CYRIA: variants seen among roughly 807,000 people sequenced by gnomAD.
CYRIA encodes the protein CYFIP-related Rac1 interactor A.
CYRIA carries 15 observed loss-of-function variants against 43.9 expected under a neutral mutation model. That is an observed-to-expected ratio of 0.34 (90% CI 0.23 to 0.53). CYRIA has a LOEUF of 0.53. Among genes scored for constraint, CYRIA ranks in the 20% least tolerant of loss-of-function variants. The probability of loss-of-function intolerance (pLI) is 0.94; values close to 1 mark genes in which losing one functional copy is unlikely to be tolerated. For missense variants in CYRIA, 236 were observed against 394.2 expected, an observed-to-expected ratio of 0.60 and a Z score of 3.40; for synonymous variants, 117 against 136.0, an observed-to-expected ratio of 0.86 and a Z score of 0.97.
chr2:16,589,402 T>G (rs1158699988), intron 2 of CYRIA, among the ~76,000 whole-genome samples: 1 of 152,082 alleles, frequency 6.6e-6, no homozygotes, highest in Non-Finnish European at 1.5e-5. Context: ...TCCATAATCC[T>G]CCGCTGGGAA....
intron 2 of CYRIA, among the ~76,000 whole-genome samples, chr2:16,612,527 T>C (rs964865256): frequency 3.3e-5 from 5 of 152,160 alleles, no homozygotes; most frequent in South Asian, 2.1e-4. Flanking sequence ...AAGTGAAATA[T>C]GTCCTCAATG....
At chr2:16,581,062 T>C (rs1667533215) in intron 3 of CYRIA, among the ~76,000 whole-genome samples, 1 of 152,178 alleles carries the variant, frequency 6.6e-6, no homozygotes, top group South Asian at 2.1e-4. Context: ...TTTCTTAGAA[T>C]ACAGAAAGTG....
chr2:16,644,776 G>C lies in CYRIA; in HGVS notation c.-166-20757C>G, dbSNP rs544327430. On this transcript the variant is annotated intron_variant, in intron 1 of 11. Coordinates refer to ENST00000381323, the MANE Select transcript of CYRIA (RefSeq NM_030797.4). Reference sequence around the variant, plus strand: ...CCTTCCTTCTTCTACCTTTGCGGGAGTCTTTAACATGCAAGGGGGTCAATT... The same window carrying C: ...CCTTCCTTCTTCTACCTTTGCGGGACTCTTTAACATGCAAGGGGGTCAATT... 1.2e-4 allele frequency among the ~76,000 whole-genome samples: 19 copies of C among 152,276 alleles called. No homozygotes were observed. The South Asian group carries it at 3.3e-3, about 27-fold the overall frequency.
At chr2:16,579,478 C>T (rs565365959) in intron 3 of CYRIA, among the ~76,000 whole-genome samples, 1 of 151,278 alleles carries the variant, frequency 6.6e-6, no homozygotes, top group South Asian at 2.1e-4. Context: ...TGATAATTGA[C>T]AATTTAAAAT....
rs187207368 is a variant in CYRIA at position 16,603,544 on chromosome 2, C to A, written c.-10-15415G>T. 4.7e-3 allele frequency among the ~76,000 whole-genome samples: 717 copies of A among 152,212 alleles called. 7 individuals carry two copies. Among genetic ancestry groups the A allele is most frequent in the African/African-American group, 0.016 (675 of 41,532 alleles). On this transcript the variant is annotated intron_variant, in intron 2 of 11. Coordinates refer to ENST00000381323, the MANE Select transcript of CYRIA (RefSeq NM_030797.4). ...AGATCAGGACCCTTGGAAGGACCCC[C>A]TGAGCCCTCCCTCCCCCTCTATTCT...
At chr2:16,624,480 T>C (rs1251943644) in intron 1 of CYRIA, among the ~76,000 whole-genome samples, 1 of 152,210 alleles carries the variant, frequency 6.6e-6, no homozygotes, top group Non-Finnish European at 1.5e-5. Flanking sequence ...CTCAGGCATG[T>C]GGTTGGGATG....
chr2:16,553,095 C>T (rs1392754839), intron 11 of CYRIA, 96 bp from the exon 12 acceptor site: 5 of 802,702 alleles, frequency 6.2e-6, no homozygotes, highest in Non-Finnish European at 1.1e-5. Context: ...GATATTTGGG[C>T]TTATTTCTTT....
At chr2:16,638,312 C>T (rs1669563270) in intron 1 of CYRIA, among the ~76,000 whole-genome samples, 1 of 152,164 alleles carries the variant, frequency 6.6e-6, no homozygotes, top group African/African-American at 2.4e-5. Flanking sequence ...AATATAAACA[C>T]AGGAAATGAC....
intron 10 of CYRIA, among the ~76,000 whole-genome samples, chr2:16,558,277 C>T (rs755595274): frequency 4.6e-5 from 7 of 152,102 alleles, no homozygotes; most frequent in South Asian, 4.1e-4. Flanking sequence ...AATAAAGAGT[C>T]TATGAAGAAA....
At chr2:16,660,989 C>T (rs1406518828) in intron 1 of CYRIA, among the ~76,000 whole-genome samples, 1 of 152,202 alleles carries the variant, frequency 6.6e-6, no homozygotes, top group Non-Finnish European at 1.5e-5. Context: ...CTTTTCAATA[C>T]CTCCAGCTTC....
At chr2:16,633,741 G>C (rs974592) in intron 1 of CYRIA, among the ~76,000 whole-genome samples, 27,915 of 151,558 alleles carry the variant, frequency 0.18, 4,211 homozygotes, top group East Asian at 0.61. Flanking sequence ...ATCCTGCTTG[G>C]GCTGTGGCCC....
At chr2:16,591,259 T>A (rs1667920362) in intron 2 of CYRIA, among the ~76,000 whole-genome samples, 1 of 152,068 alleles carries the variant, frequency 6.6e-6, no homozygotes, top group Non-Finnish European at 1.5e-5. Context: ...AGTGAAGTAG[T>A]AAGATAAAGC....
chr2:16,614,659 A>C (rs1394403659), intron 2 of CYRIA, among the ~76,000 whole-genome samples: 2 of 152,196 alleles, frequency 1.3e-5, no homozygotes, highest in African/African-American at 4.8e-5. Context: ...CCCAGCTCAT[A>C]TCATCTGACA....
chr2:16,588,891 A>C (rs552514141), intron 2 of CYRIA, among the ~76,000 whole-genome samples: 4 of 152,260 alleles, frequency 2.6e-5, no homozygotes, highest in African/African-American at 9.6e-5. Context: ...ACTGCAGCCT[A>C]AGACATCTGC....
chr2:16,592,798 C>CA (rs200077296), intron 2 of CYRIA, among the ~76,000 whole-genome samples: 129 of 149,242 alleles, frequency 8.6e-4, no homozygotes, highest in South Asian at 3.2e-3. Flanking sequence ...GTTTTTCAAT[C>CA]AAAAAAAAAG....
At chr2:16,575,672 G>A (rs990327607) in intron 3 of CYRIA, among the ~76,000 whole-genome samples, 1 of 151,840 alleles carries the variant, frequency 6.6e-6, no homozygotes, top group Non-Finnish European at 1.5e-5. Flanking sequence ...TGGCTAACAC[G>A]GTGAAACCCC....
chr2:16,665,721 C>T (rs1248974760), intron 1 of CYRIA, 59 bp downstream of exon 1: 10 of 148,084 alleles, frequency 6.8e-5, no homozygotes, highest in African/African-American at 2.2e-4. Flanking sequence ...CAGGCCGAGC[C>T]CCGCGCCCGC....
intron 1 of CYRIA, among the ~76,000 whole-genome samples, chr2:16,664,150 C>A (rs944916718): frequency 8.5e-5 from 13 of 152,158 alleles, no homozygotes; most frequent in Admixed American, 7.9e-4. Flanking sequence ...TATGCGCCCA[C>A]TATGTGCCCA....
intron 3 of CYRIA, among the ~76,000 whole-genome samples, chr2:16,566,127 ATTATT>A (rs2103419496): frequency 6.6e-6 from 1 of 152,276 alleles, no homozygotes; most frequent in South Asian, 2.1e-4. Flanking sequence ...TGGTCTTTTT[ATTATT>A]TTATTACTTT....
Sources: allele counts gnomAD v4.1 joint callset (sites outside exome capture counted in the v4.1 genomes callset), GRCh38; gene constraint gnomAD v4.1.1; transcripts MANE v1.5; gene names NCBI Gene and HGNC (gene_info 2026-07-23, HGNC 2026-07-21).